Variants in CBFB observed in about 807,000 individuals in gnomAD.
The protein encoded by CBFB is core-binding factor subunit beta, also known as CBF-beta.
A neutral mutation model predicts 30.4 loss-of-function variants in CBFB; 9 were observed. The observed-to-expected ratio is 0.30, with a 90% CI of 0.18 to 0.52. The LOEUF is 0.52. CBFB is among the 20% of genes least tolerant of loss of function. The pLI is 0.97. For synonymous variants in CBFB, 94 were observed against 84.0 expected (o/e 1.12, Z -0.65); for missense variants, 170 against 244.0 (o/e 0.70, Z 2.02).
chr16:67,029,641 G>A (rs1421691338), intron 1 of CBFB, 86 bp from the exon 2 acceptor site: 1 of 1,375,558 alleles, frequency 7.3e-7, no homozygotes, highest in Non-Finnish European at 1.0e-6. Flanking sequence ...GCCTCTGCTT[G>A]CCCTTATCGG....
intron 3 of CBFB, among the ~76,000 whole-genome samples, chr16:67,060,232 T>G (rs1960867585): frequency 2.0e-5 from 3 of 152,080 alleles, no homozygotes; most frequent in Admixed American, 1.3e-4. Flanking sequence ...TCCCAAAGTA[T>G]GCTAAGATTA....
rs983340545 is a variant in CBFB, at chr16:67,100,591, T to A, written c.*1813T>A. The A allele has an allele frequency of 4.4e-6, 1 of 225,824 alleles. No homozygotes were observed. Among genetic ancestry groups the A allele is most frequent in the East Asian group, 6.4e-5 (1 of 15,596 alleles). 14.0% of individuals were successfully genotyped at this position (225,824 alleles called of 1,614,324 possible). On this transcript the variant is annotated 3_prime_UTR_variant, in exon 6 of 6. Transcript: ENST00000412916. Reference sequence around the variant, plus strand: ...AAGTGATCCTTACAGTGGTGTTTTATGTTACTTTATTACAGAGCTCCTTGG... The same window carrying A: ...AAGTGATCCTTACAGTGGTGTTTTAAGTTACTTTATTACAGAGCTCCTTGG...
intron 5 of CBFB, among the ~76,000 whole-genome samples, chr16:67,090,788 C>G (rs1216183632): frequency 6.6e-6 from 1 of 152,132 alleles, no homozygotes; most frequent in African/African-American, 2.4e-5. Flanking sequence ...GTTTATCCTA[C>G]TATGAGCAAT....
intron 5 of CBFB, among the ~76,000 whole-genome samples, chr16:67,085,234 A>G (rs1425725627): frequency 1.3e-5 from 2 of 150,306 alleles, no homozygotes; most frequent in Non-Finnish European, 3.0e-5. Flanking sequence ...CAGTGGCACA[A>G]TGTCGGCTCA....
chr16:67,058,507 T>C (rs1960798258), intron 3 of CBFB, among the ~76,000 whole-genome samples: 2 of 152,184 alleles, frequency 1.3e-5, no homozygotes, highest in Admixed American at 6.6e-5. Context: ...GCAGTGCTAT[T>C]GTAGTGCTGG....
Position 67,099,549 on chromosome 16 carries a change from A to G in CBFB, c.*771A>G, listed in dbSNP as rs766825204. 1 of 201,030 alleles carries G rather than the reference A, an allele frequency of 5.0e-6. No individual in the cohort carries two copies. The highest frequency in any genetic ancestry group is 1.0e-5 in the Non-Finnish European group (1 of 97,598). The allele number at this position is 201,030 out of a possible 1,614,324, so 12.5% of individuals were successfully genotyped here. The stretch of plus-strand genomic sequence containing the variant: ...GATTACAGGCTCTTTCTTTTTAAAC[A>G]TAAAAGTTTTAAATTGGTATTAACT... On this transcript the variant is annotated 3_prime_UTR_variant, in exon 6 of 6. Transcript: ENST00000412916.
At chr16:67,057,226 G>T (rs1193453567) in intron 3 of CBFB, among the ~76,000 whole-genome samples, 2 of 150,814 alleles carry the variant, frequency 1.3e-5, no homozygotes, top group African/African-American at 4.9e-5. Context: ...CAGATGATTT[G>T]CCTGCCTTGG....
At chr16:67,041,768 C>CTTT (rs140180530) in intron 3 of CBFB, among the ~76,000 whole-genome samples, 21 of 98,880 alleles carry the variant, frequency 2.1e-4, no homozygotes, top group African/African-American at 4.7e-4. Flanking sequence ...TGTTTCTTTA[C>CTTT]TTTTTTTTTT....
At chr16:67,048,965 A>G (rs533581726) in intron 3 of CBFB, among the ~76,000 whole-genome samples, 18 of 150,874 alleles carry the variant, frequency 1.2e-4, no homozygotes, top group African/African-American at 4.1e-4. Flanking sequence ...GATTACAGGC[A>G]TGTGCCACCA....
chr16:67,044,723 A>C (rs941349918), intron 3 of CBFB, among the ~76,000 whole-genome samples: 4 of 152,196 alleles, frequency 2.6e-5, no homozygotes, highest in Non-Finnish European at 5.9e-5. Flanking sequence ...TTGTCCCAAA[A>C]TACATATTGT....
chr16:67,041,646 G>A (rs929518792), intron 3 of CBFB, among the ~76,000 whole-genome samples: 1 of 152,018 alleles, frequency 6.6e-6, no homozygotes, highest in African/African-American at 2.4e-5. Flanking sequence ...GAGAAACTGG[G>A]ACTATGGGGT....
At chr16:67,079,401 A>G (rs372424650) in intron 4 of CBFB, among the ~76,000 whole-genome samples, 2 of 152,164 alleles carry the variant, frequency 1.3e-5, no homozygotes, top group East Asian at 3.8e-4. Context: ...AGTATTAGAA[A>G]ACCCCACTGA....
intron 3 of CBFB, among the ~76,000 whole-genome samples, chr16:67,042,478 A>G (rs1019602555): frequency 6.6e-6 from 1 of 152,200 alleles, no homozygotes; most frequent in African/African-American, 2.4e-5. Context: ...GCACCCATGT[A>G]GATGCTACCA....
intron 5 of CBFB, among the ~76,000 whole-genome samples, chr16:67,098,256 C>T (rs1159298987): frequency 6.6e-6 from 1 of 152,176 alleles, no homozygotes; most frequent in Non-Finnish European, 1.5e-5. Context: ...ATGCCTCAGC[C>T]TCCCAAGTTG....
At chr16:67,091,343 G>A (rs923446000) in intron 5 of CBFB, among the ~76,000 whole-genome samples, 1 of 152,194 alleles carries the variant, frequency 6.6e-6, no homozygotes, top group African/African-American at 2.4e-5. Context: ...AAATGGAAAT[G>A]GGAAGTGATG....
chr16:67,097,230 C>G (rs1962075160), intron 5 of CBFB, among the ~76,000 whole-genome samples: 1 of 150,972 alleles, frequency 6.6e-6, no homozygotes, highest in Non-Finnish European at 1.5e-5. Flanking sequence ...GAGACCCTGT[C>G]TCAAAAAAAC....
intron 3 of CBFB, among the ~76,000 whole-genome samples, chr16:67,042,846 C>T (rs1216969325): frequency 2.0e-5 from 3 of 152,172 alleles, no homozygotes; most frequent in Admixed American, 2.0e-4. Flanking sequence ...AGCAATTCTC[C>T]TTCCTCAGCC....
chr16:67,051,049 G>A (rs936865663), intron 3 of CBFB, among the ~76,000 whole-genome samples: 4 of 152,138 alleles, frequency 2.6e-5, no homozygotes, highest in Non-Finnish European at 2.9e-5. Context: ...TTTTTGGACC[G>A]TGATTGACTG....
chr16:67,046,371 G>A (rs1198145295), intron 3 of CBFB, among the ~76,000 whole-genome samples: 1 of 152,154 alleles, frequency 6.6e-6, no homozygotes, highest in Non-Finnish European at 1.5e-5. Flanking sequence ...AAAGTGCTGG[G>A]ATTACAGGCA....
Sources: gnomAD v4.1 joint callset for allele counts (sites outside exome capture counted in the v4.1 genomes callset) on GRCh38, gnomAD v4.1.1 for gene constraint, MANE v1.5 for transcripts, NCBI Gene and HGNC (gene_info 2026-07-23, HGNC 2026-07-21) for gene names.